The following GALNT18 variants were observed in gnomAD, a reference collection of about 807,000 sequenced individuals.
The protein encoded by GALNT18 is polypeptide N-acetylgalactosaminyltransferase 18, also known as GalNAc-transferase 18.
In GALNT18, 44 loss-of-function variants were observed where a neutral mutation model predicts 69.5. That is an observed-to-expected ratio of 0.63 (90% CI 0.50 to 0.81). GALNT18 has a LOEUF of 0.81. Ranked by LOEUF, GALNT18 falls within the 40% of genes least tolerant of loss-of-function variation. The probability of loss-of-function intolerance (pLI) is 0.00; values close to 1 mark genes in which losing one functional copy is unlikely to be tolerated. For synonymous variants in GALNT18, 364 were observed against 318.2 expected (o/e 1.14, Z -1.53); for missense variants, 715 against 810.0 (o/e 0.88, Z 1.42).
rs891550401 is a variant in GALNT18, at chr11:11,382,528, T to A, written c.596-3264A>T. On this transcript the variant is annotated intron_variant, in intron 3 of 10. Coordinates refer to ENST00000227756, the MANE Select transcript of GALNT18 (RefSeq NM_198516.3). The surrounding 1 kb of genome is among the most constrained non-coding windows in gnomAD (Gnocchi z 4.3). Reference sequence around the variant, plus strand: ...CTCAGAACTTCTTAGCTCCAAAGATTGTGTTTTTGGAGTTGAACTTGTGTT... The same window carrying A: ...CTCAGAACTTCTTAGCTCCAAAGATAGTGTTTTTGGAGTTGAACTTGTGTT... Among the ~76,000 whole-genome samples the A allele has an allele frequency of 6.6e-6, 1 of 152,172 alleles. No homozygotes were observed. Among genetic ancestry groups the A allele is most frequent in the South Asian group, 2.1e-4 (1 of 4,826 alleles).
intron 3 of GALNT18, among the ~76,000 whole-genome samples, chr11:11,399,892 A>T (rs1379454585): frequency 6.6e-6 from 1 of 152,234 alleles, no homozygotes; most frequent in Non-Finnish European, 1.5e-5. Context: ...AATATATAGC[A>T]ATAAAGATTT....
rs375616733 is a variant in GALNT18, at chr11:11,490,512, C to A, written c.236-41576G>T. Among the ~76,000 whole-genome samples, 70 of 152,238 alleles carry A rather than the reference C, an allele frequency of 4.6e-4. 2 individuals carry two copies. In the South Asian group the frequency reaches 0.012, roughly 27 times the overall value. The stretch of plus-strand genomic sequence containing the variant: ...ATGCAGTGTCTCACATGTATAATAA[C>A]AGTATATAATACATGCCAAATATGA... On this transcript the variant is annotated intron_variant, in intron 1 of 10. Transcript: ENST00000227756.
intron 10 of GALNT18, among the ~76,000 whole-genome samples, chr11:11,280,425 C>A (rs1351736510): frequency 6.6e-6 from 1 of 151,894 alleles, no homozygotes; most frequent in South Asian, 2.1e-4. Context: ...AAGGATCTCA[C>A]CCCCTCCCAA....
At chr11:11,275,293 C>T (rs1350489880) in intron 10 of GALNT18, among the ~76,000 whole-genome samples, 7 of 152,164 alleles carry the variant, frequency 4.6e-5, no homozygotes, top group Admixed American at 2.6e-4. Flanking sequence ...CTCTAATGAC[C>T]AGAGATAATG....
rs1228707257 is a variant in GALNT18, at chr11:11,583,279, G to T, written c.235+38080C>A. Among the ~76,000 whole-genome samples, 1 of 152,150 alleles carries T rather than the reference G, an allele frequency of 6.6e-6. No homozygotes were observed. Among genetic ancestry groups the T allele is most frequent in the Non-Finnish European group, 1.5e-5 (1 of 68,038 alleles). ...CCTGGGGCTATTTCTCAAAGCAGCTGGTCCTTCTAGATGCTAGCCCTCTGT... is the reference window on the plus strand; with the variant it reads ...CCTGGGGCTATTTCTCAAAGCAGCTTGTCCTTCTAGATGCTAGCCCTCTGT... On this transcript the variant is annotated intron_variant, in intron 1 of 10. Coordinates refer to ENST00000227756, the MANE Select transcript of GALNT18 (RefSeq NM_198516.3). The surrounding 1 kb of genome is among the most constrained non-coding windows in gnomAD (Gnocchi z 4.7).
At position 11,497,470 on chromosome 11, in the gene GALNT18, C is replaced by T. The variant is rs1055546000; in HGVS notation, c.236-48534G>A. ...TTATGCAGGGCCTGTTCACCTGCAC[C>T]TCCAGAACCTGGAACAGTGTTAGGC... On this transcript the variant is annotated intron_variant, in intron 1 of 10. Transcript: ENST00000227756. The surrounding 1 kb of genome is among the most constrained non-coding windows in gnomAD (Gnocchi z 4.2). 2.0e-5 allele frequency among the ~76,000 whole-genome samples: 3 copies of T among 150,774 alleles called. No individual in the cohort carries two copies. Among genetic ancestry groups the T allele is most frequent in the Non-Finnish European group, 4.4e-5 (3 of 67,746 alleles).
At chr11:11,400,758 C>T (rs1417684892) in intron 3 of GALNT18, among the ~76,000 whole-genome samples, 1 of 152,134 alleles carries the variant, frequency 6.6e-6, no homozygotes, top group African/African-American at 2.4e-5. Context: ...TTGATGTCAC[C>T]AGGAAAATCT....
At chr11:11,510,086 C>G (rs1857138824) in intron 1 of GALNT18, among the ~76,000 whole-genome samples, 1 of 152,166 alleles carries the variant, frequency 6.6e-6, no homozygotes, top group South Asian at 2.1e-4. Flanking sequence ...ATGCTGGCCA[C>G]AGCATGGAAA....
At chr11:11,438,898 G>A (rs1855471821) in intron 2 of GALNT18, among the ~76,000 whole-genome samples, 1 of 152,196 alleles carries the variant, frequency 6.6e-6, no homozygotes, top group African/African-American at 2.4e-5. Context: ...CCTCTGGGAT[G>A]TACAATCCCG....
In GALNT18 at chr11:11,558,801, A is replaced by C. The variant is rs771100793; in HGVS notation, c.235+62558T>G. ...GTCTCAGAGAGTAAGAGCTTAGCTCAAGGGACTTTGTTTATAGAGAAAATA... is the reference window on the plus strand; with the variant it reads ...GTCTCAGAGAGTAAGAGCTTAGCTCCAGGGACTTTGTTTATAGAGAAAATA... On this transcript the variant is annotated intron_variant, in intron 1 of 10. Transcript: ENST00000227756. Among the ~76,000 whole-genome samples, 10 of 152,232 alleles carry C rather than the reference A, an allele frequency of 6.6e-5. No individual in the cohort carries two copies. The South Asian group carries it at 1.4e-3, about 22-fold the overall frequency.
intron 3 of GALNT18, among the ~76,000 whole-genome samples, chr11:11,423,136 AAC>A (rs1214204166): frequency 6.6e-6 from 1 of 152,112 alleles, no homozygotes; most frequent in African/African-American, 2.4e-5. Flanking sequence ...TACACACACA[AAC>A]ACAGTGCTCA....
Position 11,563,288 on chromosome 11 carries a change from G to C in GALNT18, c.235+58071C>G, listed in dbSNP as rs1305453246. Among the ~76,000 whole-genome samples, 2 of 152,144 alleles carry C rather than the reference G, an allele frequency of 1.3e-5. No individual in the cohort carries two copies. The highest frequency in any genetic ancestry group is 2.9e-5 in the Non-Finnish European group (2 of 68,032). On this transcript the variant is annotated intron_variant, in intron 1 of 10. Coordinates refer to ENST00000227756, the MANE Select transcript of GALNT18 (RefSeq NM_198516.3). This position sits in a 1 kb window ranked among gnomAD's most constrained non-coding sequence, Gnocchi z 4.6. ...GCTTTGTTCTCATAGGGCAATTTCAGCTCCATCTGCAGTCTTTTCTTTCCG... is the reference window on the plus strand; with the variant it reads ...GCTTTGTTCTCATAGGGCAATTTCACCTCCATCTGCAGTCTTTTCTTTCCG...
chr11:11,477,757 A>G (rs576796889), intron 1 of GALNT18, among the ~76,000 whole-genome samples: 1 of 152,358 alleles, frequency 6.6e-6, no homozygotes, highest in African/African-American at 2.4e-5. Flanking sequence ...TTTTCACCCT[A>G]TAGCAGAAGA....
rs1424796105 is a variant in GALNT18, at chr11:11,332,102, A to G, written c.1416+592T>C. ...ATGACATTAAGACACTTACCTGGGA[A>G]GCAGCCTGGTTAAGATTTGAACCAG... is the stretch of plus-strand genomic sequence containing the variant. On this transcript the variant is annotated intron_variant, in intron 8 of 10. Transcript: ENST00000227756. This position sits in a 1 kb window ranked among gnomAD's most constrained non-coding sequence, Gnocchi z 4.3. Among the ~76,000 whole-genome samples, 5 of 152,166 alleles carry G rather than the reference A, an allele frequency of 3.3e-5. No individual in the cohort carries two copies. Among genetic ancestry groups the G allele is most frequent in the African/African-American group, 9.7e-5 (4 of 41,428 alleles).
At chr11:11,292,842 C>T (rs1198261371) in intron 10 of GALNT18, among the ~76,000 whole-genome samples, 187 bp downstream of exon 10, 1 of 152,194 alleles carries the variant, frequency 6.6e-6, no homozygotes, top group Non-Finnish European at 1.5e-5. Flanking sequence ...ACACATGAGA[C>T]CCACAGCACA....
chr11:11,277,701 T>TC (rs1848979925), intron 10 of GALNT18, among the ~76,000 whole-genome samples: 1 of 152,216 alleles, frequency 6.6e-6, no homozygotes, highest in Non-Finnish European at 1.5e-5. Flanking sequence ...GTATGTTGTG[T>TC]CTTTGTTCTC....
chr11:11,368,818 G>A (rs1318913092), intron 6 of GALNT18, among the ~76,000 whole-genome samples: 1 of 152,142 alleles, frequency 6.6e-6, no homozygotes, highest in African/African-American at 2.4e-5. Flanking sequence ...TGGAGACTTT[G>A]TGGGTCAGGT....
At chr11:11,305,410 CA>C (rs1849561935) in intron 9 of GALNT18, among the ~76,000 whole-genome samples, 1 of 152,190 alleles carries the variant, frequency 6.6e-6, no homozygotes, top group Non-Finnish European at 1.5e-5. Flanking sequence ...CAAATAATCA[CA>C]CCAAAATAGA....
In GALNT18 at chr11:11,358,096, C is replaced by G. The variant is rs1242757374; in HGVS notation, c.1092+14419G>C. Among the ~76,000 whole-genome samples, 8 of 91,274 alleles carry G rather than the reference C, an allele frequency of 8.8e-5. 2 individuals carry two copies. The highest frequency in any genetic ancestry group is 4.1e-4 in the Admixed American group (4 of 9,706). The allele number at this position is 91,274 out of a possible 152,430, so 59.9% of individuals were successfully genotyped here. The stretch of plus-strand genomic sequence containing the variant: ...TGCCTCCATCTCCTATGCCCATGTC[C>G]AATTTTAAAATCTCTTCTGTTTTCA... On this transcript the variant is annotated intron_variant, in intron 6 of 10. Transcript: ENST00000227756.
Sources: allele counts gnomAD v4.1 joint callset (sites outside exome capture counted in the v4.1 genomes callset), GRCh38; gene constraint gnomAD v4.1.1; non-coding constraint Gnocchi (gnomAD v3.1); transcripts MANE v1.5; gene names NCBI Gene and HGNC (gene_info 2026-07-23, HGNC 2026-07-21).